Variants in HTR4 observed in about 807,000 individuals in gnomAD.
HTR4 encodes 5-hydroxytryptamine receptor 4, also known as 5-hydroxytryptamine (serotonin) receptor 4, G protein-coupled.
HTR4 carries 16 observed loss-of-function variants against 36.8 expected under a neutral mutation model. The ratio of observed to expected loss-of-function variants is 0.43; its 90% CI spans 0.29 to 0.66. The LOEUF (loss-of-function observed/expected upper bound fraction) is 0.66, where lower values mean the gene tolerates loss of function less well. Among genes scored for constraint, HTR4 ranks in the 30% least tolerant of loss-of-function variants. The pLI, the probability that HTR4 is intolerant of heterozygous loss-of-function variation, is 0.13. For missense variants in HTR4, 438 were observed against 490.9 expected (o/e 0.89, Z 1.02); for synonymous variants, 189 against 185.1 (o/e 1.02, Z -0.17).
chr5:148,591,179 T>C (rs1761553603), intron 2 of HTR4, among the ~76,000 whole-genome samples: 1 of 152,212 alleles, frequency 6.6e-6, no homozygotes, highest in Admixed American at 6.5e-5. Flanking sequence ...TTATGTTCCA[T>C]TGGTCCATGT....
At chr5:148,600,521 T>A (rs79406280) in intron 2 of HTR4, among the ~76,000 whole-genome samples, 2,842 of 151,358 alleles carry the variant, frequency 0.019, 129 homozygotes, top group East Asian at 0.12. Context: ...GGATACAAAG[T>A]AAAGTTTCAA....
rs1259526559 is a variant in HTR4 at position 148,481,676 on chromosome 5, T to C, written c.*1527A>G. On this transcript the variant is annotated 3_prime_UTR_variant, in exon 7 of 7. Transcript: ENST00000377888. The stretch of plus-strand genomic sequence containing the variant: ...ACAATAACTGACACCTTATAAGCAA[T>C]AAGAAAAAAAGAGAATATGATAAAT... The C allele has an allele frequency of 6.8e-7, 1 of 1,481,066 alleles. No homozygotes were observed. The highest frequency in any genetic ancestry group is 1.4e-5 in the South Asian group (1 of 73,854). 91.7% of individuals were successfully genotyped at this position (1,481,066 alleles called of 1,614,324 possible). A position where few individuals can be genotyped will look rare whatever the true frequency, so the allele number is the denominator to read the frequency against.
chr5:148,525,087 T>C (rs144336217), intron 4 of HTR4, among the ~76,000 whole-genome samples: 2 of 152,294 alleles, frequency 1.3e-5, no homozygotes, highest in Non-Finnish European at 1.5e-5. Flanking sequence ...AATGGGAGAC[T>C]GTCTTGCTCC....
At chr5:148,485,106 AT>A (rs1470212811) in intron 6 of HTR4, among the ~76,000 whole-genome samples, 1 of 152,200 alleles carries the variant, frequency 6.6e-6, no homozygotes, top group Non-Finnish European at 1.5e-5. Context: ...CTCATCTCTC[AT>A]TGGCCAAATC....
downstream of HTR4, among the ~76,000 whole-genome samples, chr5:148,479,896 ATTAAG>A (rs1329914253): frequency 2.6e-5 from 4 of 152,228 alleles, no homozygotes; most frequent in Admixed American, 1.3e-4. Flanking sequence ...TGTAAATAAA[ATTAAG>A]TTGTTAGCTA....
intron 2 of HTR4, among the ~76,000 whole-genome samples, chr5:148,596,687 G>C (rs570701681): frequency 8.5e-4 from 129 of 151,630 alleles, no homozygotes; most frequent in Admixed American, 2.0e-3. Context: ...GTGGAGGGAG[G>C]GGGGTGGGAG....
At chr5:148,625,567 T>C (rs1307374800) in intron 2 of HTR4, among the ~76,000 whole-genome samples, 1 of 152,050 alleles carries the variant, frequency 6.6e-6, no homozygotes, top group Non-Finnish European at 1.5e-5. Context: ...GTTCTTTTTG[T>C]TTGTTTGTTT....
intron 4 of HTR4, among the ~76,000 whole-genome samples, chr5:148,534,483 G>A (rs567987471): frequency 1.1e-4 from 17 of 152,264 alleles, no homozygotes; most frequent in Admixed American, 9.8e-4. Flanking sequence ...CCCTGCCAGA[G>A]GTATTGAGCC....
chr5:148,557,878 G>A (rs1760025476), intron 2 of HTR4, among the ~76,000 whole-genome samples: 1 of 151,052 alleles, frequency 6.6e-6, no homozygotes, highest in Non-Finnish European at 1.5e-5. Context: ...AAGGAGGCAG[G>A]GAAACTAGAG....
chr5:148,601,288 C>T (rs1026322561), intron 2 of HTR4, among the ~76,000 whole-genome samples: 1 of 151,962 alleles, frequency 6.6e-6, no homozygotes, highest in African/African-American at 2.4e-5. Flanking sequence ...AGAGGTTCCT[C>T]GAAATAGTAA....
intron 6 of HTR4, among the ~76,000 whole-genome samples, chr5:148,495,448 G>C (rs1174196688): frequency 6.6e-6 from 1 of 152,176 alleles, no homozygotes; most frequent in Non-Finnish European, 1.5e-5. Flanking sequence ...TTAAACAGAA[G>C]AGAGGGTAAG....
At chr5:148,597,672 A>T (rs955785984) in intron 2 of HTR4, among the ~76,000 whole-genome samples, 1 of 152,118 alleles carries the variant, frequency 6.6e-6, no homozygotes. Context: ...TCTGCATCGC[A>T]CCTTTCAACT....
chr5:148,615,230 C>T (rs1332742401), intron 2 of HTR4, among the ~76,000 whole-genome samples: 9 of 152,138 alleles, frequency 5.9e-5, no homozygotes, highest in East Asian at 3.9e-4. Context: ...CACATGCACA[C>T]GTATGTTTAT....
chr5:148,507,933 A>T (rs1340406769), intron 6 of HTR4, among the ~76,000 whole-genome samples: 1 of 152,196 alleles, frequency 6.6e-6, no homozygotes, highest in Non-Finnish European at 1.5e-5. Flanking sequence ...AATTCTTTCT[A>T]TGACACTCCT....
chr5:148,525,573 T>G (rs1758230228), intron 4 of HTR4, among the ~76,000 whole-genome samples: 1 of 152,152 alleles, frequency 6.6e-6, no homozygotes, highest in Admixed American at 6.5e-5. Context: ...GGTGGGCAAG[T>G]CAGCAGAGGG....
chr5:148,454,492 A>G (rs1459294806), intron 5 of HTR4, among the ~76,000 whole-genome samples: 1 of 152,116 alleles, frequency 6.6e-6, no homozygotes, highest in Non-Finnish European at 1.5e-5. Context: ...TGATAATGAT[A>G]ATGATGATGA....
chr5:148,582,970 T>C lies in HTR4; in HGVS notation c.27-32708A>G, dbSNP rs373586185. Among the ~76,000 whole-genome samples, 283 of 152,084 alleles carry C rather than the reference T, an allele frequency of 1.9e-3. 5 individuals are homozygous for C. In the East Asian group the frequency reaches 0.031, roughly 17 times the overall value. ...GCCCTGGCCAGAACTTCCAACACTA[T>C]GTTGAATAGCAGTGGTGAGAGAGGG... On this transcript the variant is annotated intron_variant, in intron 2 of 6. Coordinates refer to ENST00000377888, the MANE Select transcript of HTR4 (RefSeq NM_000870.7).
intron 2 of HTR4, among the ~76,000 whole-genome samples, chr5:148,565,177 G>A (rs1257286659): frequency 1.3e-5 from 2 of 151,402 alleles, no homozygotes; most frequent in East Asian, 1.9e-4. Flanking sequence ...GGCATGTAGT[G>A]TCTGTTATCT....
intron 2 of HTR4, among the ~76,000 whole-genome samples, chr5:148,631,005 A>T (rs1753302732): frequency 1.3e-5 from 2 of 152,164 alleles, no homozygotes. Context: ...GTATAGGATC[A>T]CGTATATGTA....
Sources: allele counts gnomAD v4.1 joint callset (sites outside exome capture counted in the v4.1 genomes callset), GRCh38; gene constraint gnomAD v4.1.1; transcripts MANE v1.5; gene names NCBI Gene and HGNC (gene_info 2026-07-23, HGNC 2026-07-21).